ASPH: variants seen among roughly 807,000 people sequenced by gnomAD.
ASPH encodes the protein aspartate beta-hydroxylase.
In ASPH, 100 loss-of-function variants were observed where a neutral mutation model predicts 118.4. The observed-to-expected ratio is 0.84, with a 90% CI of 0.72 to 1.00. ASPH has a LOEUF of 1.00. Among genes scored for constraint, ASPH ranks in the 50% least tolerant of loss-of-function variants. The pLI is 0.00. For synonymous variants in ASPH, 315 were observed against 325.6 expected, an observed-to-expected ratio of 0.97 and a Z score of 0.35; for missense variants, 920 against 919.5, an observed-to-expected ratio of 1.00 and a Z score of -0.01.
Position 61,556,029 on chromosome 8 carries a change from T to G in ASPH, c.1438-7A>C. The stretch of plus-strand genomic sequence containing the variant: ...TAGGTGTCACACTCAGCACCTAAAC[T>G]CAAAGAAAACACAGAACATAACTCA... On this transcript the variant is annotated splice_polypyrimidine_tract_variant and splice_region_variant and intron_variant, in intron 18 of 24. Transcript: ENST00000379454. 1 of 1,611,898 alleles carries G rather than the reference T, an allele frequency of 6.2e-7. No homozygotes were observed. The highest frequency in any genetic ancestry group is 1.3e-5 in the African/African-American group (1 of 75,026).
chr8:61,556,373 A>G (rs1445303557), intron 18 of ASPH, among the ~76,000 whole-genome samples: 1 of 152,212 alleles, frequency 6.6e-6, no homozygotes, highest in Non-Finnish European at 1.5e-5. Flanking sequence ...ATCAAGGGAA[A>G]ATGGCTTTAA....
intron 3 of ASPH, among the ~76,000 whole-genome samples, chr8:61,672,405 T>C (rs907036565): frequency 2.0e-5 from 3 of 152,010 alleles, no homozygotes; most frequent in Non-Finnish European, 2.9e-5. Flanking sequence ...AAATTGGAGA[T>C]TGGAAAGGTC....
At chr8:61,561,995 A>G (rs1199071882) in intron 18 of ASPH, among the ~76,000 whole-genome samples, 1 of 152,210 alleles carries the variant, frequency 6.6e-6, no homozygotes, top group Non-Finnish European at 1.5e-5. Flanking sequence ...TAGCATATTG[A>G]TGTAGACTTC....
At chr8:61,596,493 C>A (rs1842545470) in intron 14 of ASPH, among the ~76,000 whole-genome samples, 1 of 152,246 alleles carries the variant, frequency 6.6e-6, no homozygotes, top group Admixed American at 6.5e-5. Context: ...CCATCAGTGC[C>A]CATGTACACT....
At chr8:61,713,969 A>C (rs1838716955) in intron 1 of ASPH, among the ~76,000 whole-genome samples, 1 of 152,232 alleles carries the variant, frequency 6.6e-6, no homozygotes, top group Non-Finnish European at 1.5e-5. Flanking sequence ...ACGGAAAGCC[A>C]AGAAACAGTC....
chr8:61,530,447 T>C (rs959204886), intron 21 of ASPH, among the ~76,000 whole-genome samples: 4 of 152,212 alleles, frequency 2.6e-5, no homozygotes, highest in Admixed American at 2.0e-4. Context: ...TTCCCAGTTC[T>C]GACCTCATGA....
chr8:61,644,626 T>A lies in ASPH; in HGVS notation c.626A>T (p.Glu209Val), dbSNP rs778618542. 1.3e-6 allele frequency: 2 copies of A among 1,587,928 alleles called. No individual in the cohort carries two copies. The highest frequency in any genetic ancestry group is 3.5e-5 in the Admixed American group (2 of 57,386). ...LEPEVSHEET[E>V]HSYHVEETVS... ...TGTCTCTTCCACGTGGTAACTATGC[T>A]CGGTTTCTGGAAAAAAAAAAATTAG... Residue 209 changes from glutamate (E) to valine (V), a missense_variant, in exon 7 of 25, where the codon GAG (glutamate) becomes GTG (valine). Coordinates refer to ENST00000379454, the MANE Select transcript of ASPH (RefSeq NM_004318.4).
intron 14 of ASPH, among the ~76,000 whole-genome samples, chr8:61,612,345 T>C (rs1314165298): frequency 1.3e-5 from 2 of 149,784 alleles, no homozygotes; most frequent in Non-Finnish European, 3.0e-5. Flanking sequence ...TGCAATCCAA[T>C]GGGAAAAAAT....
At chr8:61,638,896 A>G (rs1859146973) in intron 10 of ASPH, among the ~76,000 whole-genome samples, 1 of 152,218 alleles carries the variant, frequency 6.6e-6, no homozygotes, top group Non-Finnish European at 1.5e-5. Context: ...TCCAGGGCCC[A>G]GTGGCTCAAA....
intron 14 of ASPH, chr8:61,607,219 G>A: frequency 1.4e-6 from 1 of 694,418 alleles, no homozygotes; most frequent in Non-Finnish European, 2.6e-6. Flanking sequence ...TCTTTATTCA[G>A]TTCCCCCTTC....
At chr8:61,609,876 G>A (rs745410738) in intron 14 of ASPH, among the ~76,000 whole-genome samples, 1 of 152,096 alleles carries the variant, frequency 6.6e-6, no homozygotes, top group African/African-American at 2.4e-5. Context: ...ACTACTCACA[G>A]CACTGTCTTT....
intron 15 of ASPH, among the ~76,000 whole-genome samples, chr8:61,581,098 A>C (rs1218890637): frequency 4.6e-5 from 7 of 152,236 alleles, no homozygotes. Context: ...AAGGCTGTTA[A>C]AATAATGGGA....
rs192639451 is a variant in ASPH, at chr8:61,688,298, T to G, written c.104-4110A>C. On this transcript the variant is annotated intron_variant, in intron 1 of 24. Transcript: ENST00000379454. ...GATTTTTACTGGGGTTTAAGAATAC[T>G]GCAAGAACGATGCGATTCATTTTTT... is the stretch of plus-strand genomic sequence containing the variant. 2.6e-5 allele frequency among the ~76,000 whole-genome samples: 4 copies of G among 152,318 alleles called. 1 individual carries two copies. In the East Asian group the frequency reaches 7.7e-4, roughly 29 times the overall value.
chr8:61,521,246 C>T (rs1284287814), intron 22 of ASPH, among the ~76,000 whole-genome samples: 1 of 152,146 alleles, frequency 6.6e-6, no homozygotes, highest in Non-Finnish European at 1.5e-5. Context: ...CCAGACTGGA[C>T]CCAGTGTTCA....
rs369717162 is a variant in ASPH, at chr8:61,517,531, G to T, written c.2123C>A (p.Thr708Asn). 3.1e-6 allele frequency: 5 copies of T among 1,613,958 alleles called. No individual in the cohort carries two copies. The highest frequency in any genetic ancestry group is 3.4e-6 in the Non-Finnish European group (4 of 1,179,852). Reference sequence around the variant, plus strand: ...ACGGATAACAGAGGACCCATACTTGGTCTCGTTGGCACATCGAATCTTGCA... The same window carrying T: ...ACGGATAACAGAGGACCCATACTTGTTCTCGTTGGCACATCGAATCTTGCA... ...EGCKIRCANE[T>N]KTWEEGKVLI... Residue 708 changes from threonine to asparagine, a missense_variant, in exon 24 of 25, where the codon ACC becomes AAC. Thr to Asn is a moderately conservative substitution (Grantham distance 65, BLOSUM62 0). Transcript: ENST00000379454.
In ASPH at chr8:61,584,009, GT is replaced by G; in HGVS notation, c.996del (p.Lys332AsnfsTer3). Reference protein sequence around the residue: ...QKAKVKKKKPKLLNKFDKTIK... With the variant: ...QKAKVKKKKPXLLNKFDKTIK... ...ATAGTCTTATCAAATTTATTTAAAAGTTTAGGCTTCTTTTTCTTAACTGAAA... is the reference window on the plus strand; with the variant it reads ...ATAGTCTTATCAAATTTATTTAAAAGTTAGGCTTCTTTTTCTTAACTGAAA... On this transcript the variant is annotated frameshift_variant, in exon 15 of 25. Transcript: ENST00000379454. LOFTEE classifies it high-confidence loss of function. 1 of 1,560,530 alleles carries G rather than the reference GT, an allele frequency of 6.4e-7. No individual in the cohort carries two copies.
At chr8:61,506,376 A>G (rs2129611683) in intron 24 of ASPH, among the ~76,000 whole-genome samples, 1 of 152,344 alleles carries the variant, frequency 6.6e-6, no homozygotes, top group African/African-American at 2.4e-5. Flanking sequence ...TTTGCAAGTT[A>G]GAAAGAGTTT....
chr8:61,627,056 CTT>C (rs1853219108), intron 13 of ASPH, among the ~76,000 whole-genome samples: 1 of 152,160 alleles, frequency 6.6e-6, no homozygotes, highest in Admixed American at 6.6e-5. Context: ...GCAACCAAAA[CTT>C]TTTATGTAAG....
rs773987662 is a variant in ASPH at position 61,517,547 on chromosome 8, G to A, written c.2107C>T (p.Arg703Ter). The change falls in exon 24 of 25, where the codon CGA becomes TGA. Residue 703 changes from arginine to a stop codon, truncating the protein, a stop_gained. Coordinates refer to ENST00000379454, the MANE Select transcript of ASPH (RefSeq NM_004318.4). LOFTEE classifies it high-confidence loss of function. ...LVIPKEGCKI[R>*]CANETKTWEE... ...CCATACTTGGTCTCGTTGGCACATC[G>A]AATCTTGCAGCCTTCCTTGGGAATC... 6.2e-6 allele frequency: 10 copies of A among 1,614,092 alleles called. No individual in the cohort carries two copies. Among genetic ancestry groups the A allele is most frequent in the South Asian group, 1.1e-5 (1 of 91,074 alleles).
Sources: gnomAD v4.1 joint callset for allele counts (sites outside exome capture counted in the v4.1 genomes callset) on GRCh38, gnomAD v4.1.1 for gene constraint, MANE v1.5 for transcripts, NCBI Gene and HGNC (gene_info 2026-07-23, HGNC 2026-07-21) for gene names.